Variants in PBX3 observed in about 807,000 individuals in gnomAD.
The protein encoded by PBX3 is PBX homeobox 3.
In PBX3, 14 loss-of-function variants were observed where a neutral mutation model predicts 48.5. The observed-to-expected ratio is 0.29, with a 90% CI of 0.19 to 0.45. PBX3 has a LOEUF of 0.45. Ranked by LOEUF, PBX3 falls within the 20% of genes least tolerant of loss-of-function variation. The pLI, the probability that PBX3 is intolerant of heterozygous loss-of-function variation, is 1.00. For missense variants in PBX3, 386 were observed against 546.7 expected (o/e 0.71, Z 2.93); for synonymous variants, 210 against 200.3 (o/e 1.05, Z -0.41).
At position 125,813,112 on chromosome 9, in the gene PBX3, A is replaced by G. The variant is rs1008736855; in HGVS notation, c.274+64489A>G. On this transcript the variant is annotated intron_variant, in intron 2 of 8. Transcript: ENST00000373489. ...CTTAGCTTACTATAACCTTTTTACT[A>G]TATAAACTTTAATTTTTAACTTTTT... Among the ~76,000 whole-genome samples, 57 of 152,306 alleles carry G rather than the reference A, an allele frequency of 3.7e-4. 1 individual carries two copies. Among genetic ancestry groups the G allele is most frequent in the Middle Eastern group, 6.8e-3 (2 of 294 alleles).
At chr9:125,840,841 A>G (rs1415670112) in intron 2 of PBX3, among the ~76,000 whole-genome samples, 1 of 152,072 alleles carries the variant, frequency 6.6e-6, no homozygotes, top group Non-Finnish European at 1.5e-5. Context: ...GGCATTGTAA[A>G]GAGAGTCCAG....
At chr9:125,852,355 T>A (rs1029405105) in intron 2 of PBX3, among the ~76,000 whole-genome samples, 1 of 152,180 alleles carries the variant, frequency 6.6e-6, no homozygotes, top group Admixed American at 6.5e-5. Context: ...CCAGCCATTG[T>A]CTTATTTCTT....
chr9:125,886,113 G>A (rs1840494373), intron 2 of PBX3, among the ~76,000 whole-genome samples: 1 of 152,084 alleles, frequency 6.6e-6, no homozygotes, highest in South Asian at 2.1e-4. Flanking sequence ...GTGATGGGTA[G>A]ATAGTGCATG....
intron 2 of PBX3, among the ~76,000 whole-genome samples, chr9:125,831,561 T>C (rs567387987): frequency 6.6e-6 from 1 of 152,292 alleles, no homozygotes; most frequent in Admixed American, 6.5e-5. Flanking sequence ...CAATTCATAC[T>C]GGAAAGGCAG....
At chr9:125,945,341 G>A (rs1842044201) in intron 5 of PBX3, among the ~76,000 whole-genome samples, 1 of 152,108 alleles carries the variant, frequency 6.6e-6, no homozygotes, top group Non-Finnish European at 1.5e-5. Flanking sequence ...AGATATAATA[G>A]TAATTATTGT....
At chr9:125,942,068 A>G (rs898308551) in intron 5 of PBX3, among the ~76,000 whole-genome samples, 2 of 152,244 alleles carry the variant, frequency 1.3e-5, no homozygotes, top group African/African-American at 4.8e-5. Flanking sequence ...AAAGAGGCAA[A>G]TAAGACCTGC....
At chr9:125,872,049 A>G (rs1344794661) in intron 2 of PBX3, among the ~76,000 whole-genome samples, 4 of 152,238 alleles carry the variant, frequency 2.6e-5, no homozygotes, top group African/African-American at 7.2e-5. Flanking sequence ...TGGGGTAACC[A>G]TTAAAAAAAT....
intron 2 of PBX3, among the ~76,000 whole-genome samples, chr9:125,907,993 T>C (rs1392649019): frequency 6.6e-6 from 1 of 152,100 alleles, no homozygotes; most frequent in Non-Finnish European, 1.5e-5. Flanking sequence ...CTGCTTGGCA[T>C]GTAGTATGTA....
rs1173869967 is a variant in PBX3, at chr9:125,782,844, GT to G, written c.274+34230del. 4.0e-5 allele frequency among the ~76,000 whole-genome samples: 6 copies of G among 151,178 alleles called. No homozygotes were observed. In the East Asian group the frequency reaches 7.7e-4, roughly 19 times the overall value. On this transcript the variant is annotated intron_variant, in intron 2 of 8. Coordinates refer to ENST00000373489, the MANE Select transcript of PBX3 (RefSeq NM_006195.6). ...CAGATAGAGAATTCTTAGTAGGCAGGTTTTTTTTTCTTTCAGCACTTTAAAT... is the reference window on the plus strand; with the variant it reads ...CAGATAGAGAATTCTTAGTAGGCAGGTTTTTTTTCTTTCAGCACTTTAAAT...
At chr9:125,827,708 A>C (rs1358997215) in intron 2 of PBX3, among the ~76,000 whole-genome samples, 1 of 152,110 alleles carries the variant, frequency 6.6e-6, no homozygotes, top group Non-Finnish European at 1.5e-5. Context: ...CGTGCAGATG[A>C]ACTTCACATT....
chr9:125,849,183 A>T (rs374840637), intron 2 of PBX3, among the ~76,000 whole-genome samples: 1 of 152,066 alleles, frequency 6.6e-6, no homozygotes, highest in South Asian at 2.1e-4. Context: ...GGCTTTTTCT[A>T]TAAGCATTGT....
intron 2 of PBX3, among the ~76,000 whole-genome samples, chr9:125,905,776 A>G (rs1395839235): frequency 6.6e-6 from 1 of 151,984 alleles, no homozygotes; most frequent in Non-Finnish European, 1.5e-5. Context: ...TTTGTACTTA[A>G]GAATATGCTG....
chr9:125,851,517 T>A (rs1839577310), intron 2 of PBX3, among the ~76,000 whole-genome samples: 1 of 152,134 alleles, frequency 6.6e-6, no homozygotes, highest in Non-Finnish European at 1.5e-5. Flanking sequence ...GCATCTTTTT[T>A]AACACGTTTG....
At chr9:125,831,219 A>G (rs1838954051) in intron 2 of PBX3, among the ~76,000 whole-genome samples, 1 of 152,226 alleles carries the variant, frequency 6.6e-6, no homozygotes, top group Non-Finnish European at 1.5e-5. Flanking sequence ...CACATCAGCC[A>G]TAACGTTTAG....
chr9:125,841,051 C>T (rs888607543), intron 2 of PBX3, among the ~76,000 whole-genome samples: 1 of 152,106 alleles, frequency 6.6e-6, no homozygotes, highest in African/African-American at 2.4e-5. Context: ...AACACTAGGG[C>T]TAACCATGCG....
intron 2 of PBX3, among the ~76,000 whole-genome samples, chr9:125,893,922 A>G (rs1259049604): frequency 6.6e-6 from 1 of 152,130 alleles, no homozygotes; most frequent in Non-Finnish European, 1.5e-5. Context: ...GTGAGATACA[A>G]ACTTACTGCA....
intron 2 of PBX3, among the ~76,000 whole-genome samples, chr9:125,850,742 T>G (rs1839555613): frequency 6.6e-6 from 1 of 152,068 alleles, no homozygotes. Context: ...GTAAGCCTTA[T>G]AAAAACTAAA....
intron 2 of PBX3, among the ~76,000 whole-genome samples, chr9:125,807,771 A>G (rs890079476): frequency 2.6e-5 from 4 of 152,140 alleles, no homozygotes; most frequent in Non-Finnish European, 4.4e-5. Flanking sequence ...CCAGTGCTGT[A>G]CTTGCCAGTC....
At chr9:125,865,683 C>T (rs1048847345) in intron 2 of PBX3, among the ~76,000 whole-genome samples, 4 of 152,114 alleles carry the variant, frequency 2.6e-5, no homozygotes, top group Non-Finnish European at 5.9e-5. Flanking sequence ...GACCCCAAAG[C>T]TCCTTATAAA....
Sources: gnomAD v4.1 joint callset for allele counts (sites outside exome capture counted in the v4.1 genomes callset) on GRCh38, gnomAD v4.1.1 for gene constraint, MANE v1.5 for transcripts, NCBI Gene and HGNC (gene_info 2026-07-23, HGNC 2026-07-21) for gene names.